SLC16A1: variants seen among roughly 807,000 people sequenced by gnomAD.
The protein encoded by SLC16A1 is solute carrier family 16 member 1.
SLC16A1 carries 11 observed loss-of-function variants against 32.2 expected under a neutral mutation model. That is an observed-to-expected ratio of 0.34 (90% CI 0.21 to 0.56). The LOEUF (loss-of-function observed/expected upper bound fraction) is 0.56. SLC16A1 is among the 20% of genes least tolerant of loss of function. SLC16A1 has a pLI of 0.87. For synonymous variants in SLC16A1, 231 were observed against 226.8 expected (o/e 1.02, Z -0.17); for missense variants, 435 against 615.0 (o/e 0.71, Z 3.10).
rs191066625 is a variant in SLC16A1 at position 112,944,564 on chromosome 1, C to T, written c.-45+11471G>A. Among the ~76,000 whole-genome samples the T allele has an allele frequency of 2.0e-3, 298 of 152,302 alleles. 2 individuals are homozygous for T. Among genetic ancestry groups the T allele is most frequent in the Non-Finnish European group, 3.5e-3 (238 of 68,024 alleles). ...AAATAAAATTTACCTGTCATTCTAC[C>T]ATCCTCATTTAAAGTTATTTATGTT... On this transcript the variant is annotated intron_variant, in intron 1 of 4. Transcript: ENST00000369626.
intron 3 of SLC16A1, among the ~76,000 whole-genome samples, chr1:112,920,301 C>T (rs1428683536): frequency 1.3e-5 from 2 of 151,976 alleles, no homozygotes; most frequent in Non-Finnish European, 2.9e-5. Flanking sequence ...GGTGAAACCC[C>T]GTCTCTATTA....
rs867636036 is a variant in SLC16A1, at chr1:112,923,634, G to A, written c.218-1501C>T. 31 of 1,439,454 alleles carry A rather than the reference G, an allele frequency of 2.2e-5. No individual in the cohort carries two copies. In the African/African-American group the frequency reaches 3.9e-4, roughly 18 times the overall value. The allele number at this position is 1,439,454 out of a possible 1,614,324, so 89.2% of individuals were successfully genotyped here. A position where few individuals can be genotyped will look rare whatever the true frequency, so the allele number is the denominator to read the frequency against. On this transcript the variant is annotated intron_variant, in intron 2 of 4. Coordinates refer to ENST00000369626, the MANE Select transcript of SLC16A1 (RefSeq NM_003051.4). ...ACCTGACAGTCTCCGGTTCCAGCTG[G>A]AGACGTCACTGAAGTGGCTGCAGTG...
chr1:112,949,871 CAA>C (rs1334453706), intron 1 of SLC16A1, among the ~76,000 whole-genome samples: 2 of 151,898 alleles, frequency 1.3e-5, no homozygotes, highest in Admixed American at 6.6e-5. Flanking sequence ...AAATAAAATG[CAA>C]AGATAGAACT....
chr1:112,921,127 C>T (rs7542229), intron 3 of SLC16A1, among the ~76,000 whole-genome samples: 36,102 of 144,178 alleles, frequency 0.25, 5,040 homozygotes, highest in African/African-American at 0.37. Flanking sequence ...GGAGACAGAG[C>T]GAGACTCCGT....
intron 1 of SLC16A1, among the ~76,000 whole-genome samples, chr1:112,929,912 A>T (rs1217066435): frequency 1.3e-5 from 2 of 152,206 alleles, no homozygotes; most frequent in Non-Finnish European, 2.9e-5. Context: ...CATTGCATCC[A>T]TGTGCAGGGA....
intron 2 of SLC16A1, 74 bp from the exon 3 acceptor site, chr1:112,922,207 G>T: frequency 7.1e-7 from 1 of 1,404,552 alleles, no homozygotes; most frequent in Non-Finnish European, 1.0e-6. Flanking sequence ...GAATGACAAT[G>T]AATGACAAAT....
chr1:112,925,914 T>C (rs193199897), intron 2 of SLC16A1, among the ~76,000 whole-genome samples: 1 of 146,330 alleles, frequency 6.8e-6, no homozygotes, highest in Admixed American at 6.8e-5. Context: ...AGAGTTGCGG[T>C]ACAGTATACT....
Position 112,917,868 on chromosome 1 carries a change from T to C in SLC16A1, c.538A>G (p.Ile180Val). ...CAGTTTAGTAGCAAGCCCCCAAGAA[T>C]TAGAAAGCTTCCTCTCCATCCAAAG... ...GIFGWRGSFL[I>V]LGGLLLNCCV... The change falls in exon 4 of 5, where the codon ATT (isoleucine) becomes GTT (valine). Residue 180 changes from isoleucine (I) to valine (V), a missense_variant. Around this residue, in one of 2 missense-constraint regions of SLC16A1, gnomAD observed 324 missense variants for 500.3 expected, o/e 0.65. Coordinates refer to ENST00000369626, the MANE Select transcript of SLC16A1 (RefSeq NM_003051.4). This position sits in a 1 kb window ranked among gnomAD's most constrained non-coding sequence, Gnocchi z 4.1. 1 of 1,612,070 alleles carries C rather than the reference T, an allele frequency of 6.2e-7. No individual in the cohort carries two copies. Among genetic ancestry groups the C allele is most frequent in the Non-Finnish European group, 8.5e-7 (1 of 1,179,092 alleles).
At chr1:112,947,085 T>C (rs544932335) in intron 1 of SLC16A1, among the ~76,000 whole-genome samples, 10 of 152,334 alleles carry the variant, frequency 6.6e-5, no homozygotes, top group African/African-American at 2.4e-4. Context: ...TGAGATGTCA[T>C]GGAGAAAAGA....
intron 3 of SLC16A1, among the ~76,000 whole-genome samples, chr1:112,919,907 A>T (rs528184248): frequency 6.6e-6 from 1 of 152,276 alleles, no homozygotes; most frequent in African/African-American, 2.4e-5. Flanking sequence ...TTTATATAGC[A>T]TTTATCACTA....
chr1:112,944,046 T>C (rs1649603860), intron 1 of SLC16A1, among the ~76,000 whole-genome samples: 1 of 152,210 alleles, frequency 6.6e-6, no homozygotes, highest in Admixed American at 6.5e-5. Flanking sequence ...TATGTTCTAA[T>C]AGGCATACTT....
At chr1:112,948,393 T>C (rs868726998) in intron 1 of SLC16A1, among the ~76,000 whole-genome samples, 1 of 152,338 alleles carries the variant, frequency 6.6e-6, no homozygotes. Context: ...TAAATAGCCT[T>C]TTTAATTGCT....
intron 1 of SLC16A1, among the ~76,000 whole-genome samples, chr1:112,949,571 A>T (rs1220617239): frequency 6.6e-6 from 1 of 152,208 alleles, no homozygotes; most frequent in Non-Finnish European, 1.5e-5. Flanking sequence ...ACTTCATTCT[A>T]ACCTTGGAAC....
At position 112,912,159 on chromosome 1, in the gene SLC16A1, CCCT is replaced by C. The variant is rs1648342876; in HGVS notation, c.*1729_*1731del. 1 of 152,184 alleles carries C rather than the reference CCCT, an allele frequency of 6.6e-6. No homozygotes were observed. The highest frequency in any genetic ancestry group is 6.5e-5 in the Admixed American group (1 of 15,278). 9.4% of individuals were successfully genotyped at this position (152,184 alleles called of 1,614,324 possible). ...TTCAAATAAGATGGTTTTAAAATTC[CCCT>C]CCTCCTTGCCTTACAGCAAAGAAGA... On this transcript the variant is annotated 3_prime_UTR_variant, in exon 5 of 5. Transcript: ENST00000369626.
intron 2 of SLC16A1, chr1:112,924,481 C>A: frequency 1.4e-6 from 1 of 706,992 alleles, no homozygotes; most frequent in Non-Finnish European, 2.5e-6. Context: ...AAGTCACCAC[C>A]AAATGAAGAA....
At chr1:112,916,632 GA>G (rs1415547874) in intron 4 of SLC16A1, among the ~76,000 whole-genome samples, 1 of 150,696 alleles carries the variant, frequency 6.6e-6, no homozygotes, top group African/African-American at 2.4e-5. Flanking sequence ...TTTGCGATCA[GA>G]AAAAAACATA....
At chr1:112,935,509 T>G (rs1649272212) in intron 1 of SLC16A1, among the ~76,000 whole-genome samples, 1 of 152,142 alleles carries the variant, frequency 6.6e-6, no homozygotes, top group African/African-American at 2.4e-5. Context: ...TTTGAAGAGA[T>G]TAGTCAGAAT....
chr1:112,943,725 T>C (rs1570643103), intron 1 of SLC16A1, among the ~76,000 whole-genome samples: 2 of 146,558 alleles, frequency 1.4e-5, no homozygotes, highest in African/African-American at 5.1e-5. Context: ...GAGGCGGAGG[T>C]TGTGGTGAGC....
chr1:112,933,730 C>G (rs1401976914), intron 1 of SLC16A1, among the ~76,000 whole-genome samples: 1 of 152,120 alleles, frequency 6.6e-6, no homozygotes, highest in Non-Finnish European at 1.5e-5. Context: ...AAAAATAAGA[C>G]AGATAATTCC....
Sources: gnomAD v4.1 joint callset for allele counts (sites outside exome capture counted in the v4.1 genomes callset) on GRCh38, gnomAD v4.1.1 for gene constraint, gnomAD v4.1.1 regional missense constraint, Gnocchi (gnomAD v3.1) non-coding constraint, MANE v1.5 for transcripts, NCBI Gene and HGNC (gene_info 2026-07-23, HGNC 2026-07-21) for gene names.